The following UCHL3 variants were observed in gnomAD, a reference collection of about 807,000 sequenced individuals.
UCHL3 encodes ubiquitin C-terminal hydrolase L3, also known as ubiquitin carboxyl-terminal hydrolase isozyme L3.
A neutral mutation model predicts 35.8 loss-of-function variants in UCHL3; 22 were observed. The ratio of observed to expected loss-of-function variants is 0.61; its 90% CI spans 0.44 to 0.88. UCHL3 has a LOEUF of 0.88. UCHL3 is among the 40% of genes least tolerant of loss of function. The probability of loss-of-function intolerance (pLI) is 0.00; values close to 1 mark genes in which losing one functional copy is unlikely to be tolerated. For synonymous variants in UCHL3, 90 were observed against 92.8 expected (o/e 0.97, Z 0.17); for missense variants, 229 against 276.9 (o/e 0.83, Z 1.23).
intron 6 of UCHL3, among the ~76,000 whole-genome samples, chr13:75,594,694 G>A (rs1205978511): frequency 6.6e-6 from 1 of 152,160 alleles, no homozygotes; most frequent in African/African-American, 2.4e-5. Context: ...GATTAAGAAA[G>A]TTGTGCTTTT....
At chr13:75,551,243 C>G (rs958200568) in intron 2 of UCHL3, among the ~76,000 whole-genome samples, 5 of 152,086 alleles carry the variant, frequency 3.3e-5, no homozygotes, top group African/African-American at 1.2e-4. Flanking sequence ...CGAGACCAGT[C>G]TGGCTGGTGA....
rs2031716776 is a variant in UCHL3, at chr13:75,567,308, A to G, written c.422A>G (p.Tyr141Cys). The G allele has an allele frequency of 6.2e-7, 1 of 1,614,102 alleles. No individual in the cohort carries two copies. ...PEERARYLEN[Y>C]DAIRVTHETS... ...GAACGAGCCAGATACCTGGAGAACT[A>G]TGATGTCGGTACCTTCTTTCCGTTT... is the stretch of plus-strand genomic sequence containing the variant. Residue 141 changes from tyrosine (Y) to cysteine (C), a missense_variant, in exon 5 of 9, where the codon TAT (tyrosine) becomes TGT (cysteine). Transcript: ENST00000377595.
At chr13:75,598,183 A>C (rs2032692164) in intron 7 of UCHL3, among the ~76,000 whole-genome samples, 1 of 152,222 alleles carries the variant, frequency 6.6e-6, no homozygotes, top group African/African-American at 2.4e-5. Context: ...GAAGTTACAG[A>C]AATAGTATAC....
At chr13:75,572,502 G>A (rs2031892633) in intron 6 of UCHL3, among the ~76,000 whole-genome samples, 1 of 152,140 alleles carries the variant, frequency 6.6e-6, no homozygotes, top group Non-Finnish European at 1.5e-5. Context: ...GATGAAGTAT[G>A]GTATCTTATC....
intron 2 of UCHL3, among the ~76,000 whole-genome samples, chr13:75,557,840 C>T (rs982064074): frequency 1.3e-5 from 2 of 152,032 alleles, no homozygotes; most frequent in Admixed American, 6.6e-5. Flanking sequence ...GGTGGATTCA[C>T]ACCACCCAAG....
chr13:75,556,714 G>A (rs1413178073), intron 2 of UCHL3, among the ~76,000 whole-genome samples: 1 of 152,192 alleles, frequency 6.6e-6, no homozygotes, highest in Admixed American at 6.5e-5. Context: ...AAACCTGGAG[G>A]GAAGAGATGG....
chr13:75,557,548 G>A (rs1199398349), intron 2 of UCHL3, among the ~76,000 whole-genome samples: 1 of 152,166 alleles, frequency 6.6e-6, no homozygotes, highest in Admixed American at 6.5e-5. Flanking sequence ...CAGAAGACTG[G>A]TGATAGAGGT....
chr13:75,567,934 C>T (rs1203285386), intron 5 of UCHL3, among the ~76,000 whole-genome samples: 1 of 152,080 alleles, frequency 6.6e-6, no homozygotes, highest in Non-Finnish European at 1.5e-5. Flanking sequence ...CCTGCCAGTA[C>T]CCTGTGTATC....
chr13:75,552,124 G>T (rs2031133197), intron 2 of UCHL3, among the ~76,000 whole-genome samples: 1 of 152,166 alleles, frequency 6.6e-6, no homozygotes, highest in South Asian at 2.1e-4. Context: ...GCTTTGGCAT[G>T]ATTTAGTTTG....
chr13:75,567,412 T>C, intron 5 of UCHL3, 100 bp downstream of exon 5: 2 of 1,037,596 alleles, frequency 1.9e-6, no homozygotes, highest in South Asian at 1.4e-5. Context: ...TTTGAGCAAT[T>C]ATGGATTTTA....
At chr13:75,571,931 A>G (rs1317459790) in intron 6 of UCHL3, among the ~76,000 whole-genome samples, 1 of 151,214 alleles carries the variant, frequency 6.6e-6, no homozygotes, top group Non-Finnish European at 1.5e-5. Context: ...CTGTGCAGTC[A>G]GTTTCAGGCT....
chr13:75,578,399 G>C (rs2032086329), intron 6 of UCHL3, among the ~76,000 whole-genome samples: 1 of 152,044 alleles, frequency 6.6e-6, no homozygotes, highest in Non-Finnish European at 1.5e-5. Context: ...ATATTTTTAT[G>C]ATTCTTGTTA....
intron 2 of UCHL3, among the ~76,000 whole-genome samples, chr13:75,556,243 A>G (rs1303139790): frequency 6.6e-6 from 1 of 152,178 alleles, no homozygotes; most frequent in East Asian, 1.9e-4. Context: ...CTTAATCCAC[A>G]CATAAAGTGT....
Position 75,588,335 on chromosome 13 carries a change from A to G in UCHL3, c.475-6580A>G, listed in dbSNP as rs138178422. Among the ~76,000 whole-genome samples the G allele has an allele frequency of 4.3e-3, 660 of 151,950 alleles. 21 individuals carry two copies. The highest frequency in any genetic ancestry group is 2.1e-3 in the East Asian group (11 of 5,188). ...CTATTTATTAGTCACCTCTCCTTCTATCTCTTCCTTTACATCATTTATTTC... is the reference window on the plus strand; with the variant it reads ...CTATTTATTAGTCACCTCTCCTTCTGTCTCTTCCTTTACATCATTTATTTC... On this transcript the variant is annotated intron_variant, in intron 6 of 8. Coordinates refer to ENST00000377595, the MANE Select transcript of UCHL3 (RefSeq NM_006002.5).
At chr13:75,569,279 A>G (rs1260758310) in intron 5 of UCHL3, 181 bp from the exon 6 acceptor site, 4 of 478,762 alleles carry the variant, frequency 8.4e-6, no homozygotes, top group Non-Finnish European at 1.5e-5. Flanking sequence ...TACACAGTAC[A>G]GCAATTCATT....
At chr13:75,580,387 TAA>T (rs1194728185) in intron 6 of UCHL3, among the ~76,000 whole-genome samples, 3 of 152,242 alleles carry the variant, frequency 2.0e-5, no homozygotes, top group Non-Finnish European at 4.4e-5. Flanking sequence ...TTTAAACTCA[TAA>T]AGTTATACAT....
chr13:75,591,977 G>A (rs936855348), intron 6 of UCHL3, among the ~76,000 whole-genome samples: 2 of 151,958 alleles, frequency 1.3e-5, no homozygotes, highest in Non-Finnish European at 2.9e-5. Flanking sequence ...AAAGTTTGAG[G>A]TTTTGGAGCA....
intron 3 of UCHL3, among the ~76,000 whole-genome samples, chr13:75,563,657 C>T (rs2031589298): frequency 2.0e-5 from 3 of 152,108 alleles, no homozygotes; most frequent in Admixed American, 6.5e-5. Context: ...ACAAAAATTT[C>T]TAATGCAATA....
chr13:75,574,062 A>G lies in UCHL3; in HGVS notation c.474+4555A>G, dbSNP rs532648975. ...GAAACCCCGTATCTACTAAAAATAC[A>G]AAAAAACTAGCCAGGTGTGGTGGCG... On this transcript the variant is annotated intron_variant, in intron 6 of 8. Transcript: ENST00000377595. 6.1e-3 allele frequency among the ~76,000 whole-genome samples: 935 copies of G among 152,224 alleles called. 4 individuals are homozygous for G. The highest frequency in any genetic ancestry group is 0.011 in the Non-Finnish European group (715 of 68,010).
Sources: allele counts gnomAD v4.1 joint callset (sites outside exome capture counted in the v4.1 genomes callset), GRCh38; gene constraint gnomAD v4.1.1; transcripts MANE v1.5; gene names NCBI Gene and HGNC (gene_info 2026-07-23, HGNC 2026-07-21).